ARHGAP15: variants seen among roughly 807,000 people sequenced by gnomAD.
The protein encoded by ARHGAP15 is rho GTPase-activating protein 15.
In ARHGAP15, 51 loss-of-function variants were observed where a neutral mutation model predicts 63.7. That is an observed-to-expected ratio of 0.80 (90% CI 0.64 to 1.01). The LOEUF is 1.01. Among genes scored for constraint, ARHGAP15 ranks in the 50% least tolerant of loss-of-function variants. The probability of loss-of-function intolerance (pLI) is 0.00; values close to 1 mark genes in which losing one functional copy is unlikely to be tolerated. For synonymous variants in ARHGAP15, 191 were observed against 193.8 expected (o/e 0.99, Z 0.12); for missense variants, 560 against 564.6 (o/e 0.99, Z 0.08).
intron 5 of ARHGAP15, among the ~76,000 whole-genome samples, chr2:143,250,019 G>T (rs1418179642): frequency 1.3e-5 from 2 of 152,046 alleles, no homozygotes; most frequent in African/African-American, 4.8e-5. Flanking sequence ...TTTTCTAGAT[G>T]ATGTAGTCAG....
At chr2:143,734,651 A>T (rs1685675094) in intron 13 of ARHGAP15, among the ~76,000 whole-genome samples, 1 of 152,214 alleles carries the variant, frequency 6.6e-6, no homozygotes, top group Non-Finnish European at 1.5e-5. Flanking sequence ...GCAGTTGCTG[A>T]TGTTGCCTGG....
chr2:143,533,472 T>C (rs6722484), intron 10 of ARHGAP15, among the ~76,000 whole-genome samples: 124,664 of 152,030 alleles, frequency 0.82, 51,226 homozygotes, highest in South Asian at 0.85. Context: ...CACACCTGCC[T>C]CAGAAATATC....
chr2:143,492,043 G>A (rs867388758), intron 9 of ARHGAP15, among the ~76,000 whole-genome samples: 7 of 151,976 alleles, frequency 4.6e-5, no homozygotes, highest in South Asian at 2.1e-4. Flanking sequence ...CACCACATCC[G>A]GCTAATTTTT....
At chr2:143,668,319 A>G (rs1366244948) in intron 12 of ARHGAP15, among the ~76,000 whole-genome samples, 1 of 150,024 alleles carries the variant, frequency 6.7e-6, no homozygotes, top group African/African-American at 2.5e-5. Flanking sequence ...CATTGTTTTC[A>G]GCATACAGAG....
chr2:143,616,951 G>A (rs1299709778), intron 11 of ARHGAP15, among the ~76,000 whole-genome samples: 1 of 152,176 alleles, frequency 6.6e-6, no homozygotes, highest in East Asian at 1.9e-4. Context: ...TAGAGTCTCA[G>A]GTGATGGCAA....
rs150835026 is a variant in ARHGAP15, at chr2:143,300,565, G to A, written c.474+49965G>A. On this transcript the variant is annotated intron_variant, in intron 6 of 13. Transcript: ENST00000295095. The stretch of plus-strand genomic sequence containing the variant: ...TTCCTGTAAGCACTGGGGGTTCTTG[G>A]TTAGGCAGCTCTCCCCTATGCAGTG... Among the ~76,000 whole-genome samples, 1,272 of 152,044 alleles carry A rather than the reference G, an allele frequency of 8.4e-3. 8 individuals carry two copies. The highest frequency in any genetic ancestry group is 0.014 in the Middle Eastern group (4 of 294).
At chr2:143,193,729 A>G (rs1691766069) in intron 2 of ARHGAP15, among the ~76,000 whole-genome samples, 1 of 152,218 alleles carries the variant, frequency 6.6e-6, no homozygotes, top group African/African-American at 2.4e-5. Context: ...CAGTGAGTTA[A>G]CACTTTTCCA....
rs759180221 is a variant in ARHGAP15, at chr2:143,757,535, C to CACAT, written c.1245-10440_1245-10437dup. Among the ~76,000 whole-genome samples the CACAT allele has an allele frequency of 5.3e-5, 8 of 150,930 alleles. 1 individual carries two copies. In the South Asian group the frequency reaches 6.3e-4, roughly 12 times the overall value. ...CAAAAAGAAAATATATATATATATA[C>CACAT]ACATACATACATACATAGAGATTAT... On this transcript the variant is annotated intron_variant, in intron 13 of 13. Transcript: ENST00000295095.
intron 13 of ARHGAP15, among the ~76,000 whole-genome samples, chr2:143,731,827 CAT>C (rs1274096689): frequency 2.0e-5 from 3 of 152,168 alleles, no homozygotes; most frequent in Non-Finnish European, 2.9e-5. Flanking sequence ...ATTTTAAATA[CAT>C]GTTCTCAATT....
intron 13 of ARHGAP15, among the ~76,000 whole-genome samples, chr2:143,753,488 C>T (rs907611755): frequency 5.3e-5 from 8 of 152,098 alleles, no homozygotes; most frequent in East Asian, 1.9e-4. Flanking sequence ...ACGTACCGGA[C>T]GATAGAATCA....
intron 4 of ARHGAP15, among the ~76,000 whole-genome samples, chr2:143,225,266 G>A (rs1693161329): frequency 6.6e-6 from 1 of 151,926 alleles, no homozygotes; most frequent in African/African-American, 2.4e-5. Flanking sequence ...AAAAAAATAT[G>A]TATTGAGGCC....
intron 6 of ARHGAP15, among the ~76,000 whole-genome samples, chr2:143,423,605 A>G (rs1216949273): frequency 6.6e-6 from 1 of 151,924 alleles, no homozygotes; most frequent in East Asian, 1.9e-4. Context: ...CTCTTTTTTG[A>G]CCTCTAGATG....
At chr2:143,193,809 GAT>G (rs1691770996) in intron 2 of ARHGAP15, among the ~76,000 whole-genome samples, 3 of 152,136 alleles carry the variant, frequency 2.0e-5, no homozygotes, top group African/African-American at 7.2e-5. Flanking sequence ...ACTGTGGGTA[GAT>G]ATCTTTGTCA....
At chr2:143,662,184 G>A (rs1460007684) in intron 12 of ARHGAP15, among the ~76,000 whole-genome samples, 2 of 152,186 alleles carry the variant, frequency 1.3e-5, no homozygotes, top group Non-Finnish European at 2.9e-5. Context: ...GCTTTGAAGA[G>A]AGCAGTGGTT....
intron 13 of ARHGAP15, among the ~76,000 whole-genome samples, chr2:143,756,355 C>G (rs1686576211): frequency 6.6e-6 from 1 of 152,240 alleles, no homozygotes; most frequent in South Asian, 2.1e-4. Flanking sequence ...AAAGTTCTGT[C>G]TAAAATATTA....
intron 6 of ARHGAP15, among the ~76,000 whole-genome samples, chr2:143,396,906 A>G (rs1687785760): frequency 1.3e-5 from 2 of 152,104 alleles, no homozygotes; most frequent in South Asian, 4.1e-4. Context: ...GAATTATCTC[A>G]ATATTTCTAA....
At chr2:143,198,935 ACTC>A (rs1201775334) in intron 2 of ARHGAP15, among the ~76,000 whole-genome samples, 8 of 152,030 alleles carry the variant, frequency 5.3e-5, no homozygotes, top group African/African-American at 1.9e-4. Flanking sequence ...GAACAGGAAA[ACTC>A]CTTCCATCTT....
At chr2:143,599,477 C>T (rs138580735) in intron 11 of ARHGAP15, among the ~76,000 whole-genome samples, 11 of 151,904 alleles carry the variant, frequency 7.2e-5, no homozygotes, top group African/African-American at 2.2e-4. Flanking sequence ...TGTTGAGGAT[C>T]GCTTGAAATC....
At chr2:143,134,118 T>A (rs1319556991) in intron 1 of ARHGAP15, among the ~76,000 whole-genome samples, 1 of 17,098 alleles carries the variant, frequency 5.8e-5, no homozygotes, top group African/African-American at 9.9e-5. Flanking sequence ...TATCTATCTA[T>A]CTATCTATCT....
Sources: gnomAD v4.1 joint callset for allele counts (sites outside exome capture counted in the v4.1 genomes callset) on GRCh38, gnomAD v4.1.1 for gene constraint, MANE v1.5 for transcripts, NCBI Gene and HGNC (gene_info 2026-07-23, HGNC 2026-07-21) for gene names.